The following TAFA5 variants were observed in gnomAD, a reference collection of about 807,000 sequenced individuals.
TAFA5 encodes the protein TAFA chemokine like family member 5.
A neutral mutation model predicts 15.3 loss-of-function variants in TAFA5; 6 were observed. The ratio of observed to expected loss-of-function variants is 0.39; its 90% CI spans 0.21 to 0.77. The LOEUF (loss-of-function observed/expected upper bound fraction) is 0.77, where lower values mean the gene tolerates loss of function less well. Ranked by LOEUF, TAFA5 falls within the 30% of genes least tolerant of loss-of-function variation. TAFA5 has a pLI of 0.41. For synonymous variants in TAFA5, 103 were observed against 80.7 expected, an observed-to-expected ratio of 1.28 and a Z score of -1.48; for missense variants, 161 against 193.1, an observed-to-expected ratio of 0.83 and a Z score of 0.98.
chr22:48,542,137 ATGTG>A (rs1343061011), intron 1 of TAFA5, among the ~76,000 whole-genome samples: 1 of 86,176 alleles, frequency 1.2e-5, no homozygotes, highest in East Asian at 3.9e-4. Context: ...TGTGATGTGT[ATGTG>A]TGTGTGTGGG....
chr22:48,703,220 C>CGTGT (rs150446097), intron 2 of TAFA5, among the ~76,000 whole-genome samples: 2,414 of 151,988 alleles, frequency 0.016, 48 homozygotes, highest in East Asian at 0.044. Context: ...GTGATGTGTA[C>CGTGT]GTGTGTGTGT....
At chr22:48,615,319 G>A (rs1294498965) in intron 1 of TAFA5, among the ~76,000 whole-genome samples, 5 of 152,186 alleles carry the variant, frequency 3.3e-5, no homozygotes, top group African/African-American at 7.2e-5. Flanking sequence ...CCGGCGGCTC[G>A]GTCCGACGAG....
chr22:48,546,442 C>A, intron 1 of TAFA5: 2 of 469,638 alleles, frequency 4.3e-6, no homozygotes, highest in South Asian at 3.1e-5. Flanking sequence ...ACTGCCCTAT[C>A]CTCTTGGAGC....
At chr22:48,656,051 C>A (rs1429792435) in intron 2 of TAFA5, among the ~76,000 whole-genome samples, 2 of 151,182 alleles carry the variant, frequency 1.3e-5, no homozygotes, top group African/African-American at 4.9e-5. Flanking sequence ...ATCATGTTGG[C>A]CAGGCTGGTG....
At chr22:48,599,113 C>G (rs76703344) in intron 1 of TAFA5, among the ~76,000 whole-genome samples, 27 of 152,200 alleles carry the variant, frequency 1.8e-4, no homozygotes, top group Non-Finnish European at 1.5e-5. Flanking sequence ...ACCTTCCCCC[C>G]ATCTTTTAGG....
At position 48,742,191 on chromosome 22, in the gene TAFA5, AC is replaced by A. The variant is rs911993196; in HGVS notation, c.391-7644del. Among the ~76,000 whole-genome samples, 2 of 98,314 alleles carry A rather than the reference AC, an allele frequency of 2.0e-5. No homozygotes were observed. Among genetic ancestry groups the A allele is most frequent in the African/African-American group, 8.2e-5 (2 of 24,366 alleles). The allele number at this position is 98,314 out of a possible 152,430, so 64.5% of individuals were successfully genotyped here. Reference sequence around the variant, plus strand: ...CCTTCACCAGGCACAGCCCTGCCCCACCCCACAGGCCCCTCATCCTTCACCA... The same window carrying A: ...CCTTCACCAGGCACAGCCCTGCCCCACCCACAGGCCCCTCATCCTTCACCA... On this transcript the variant is annotated intron_variant, in intron 3 of 3. Transcript: ENST00000402357. This position sits in a 1 kb window ranked among gnomAD's most constrained non-coding sequence, Gnocchi z 6.2.
At chr22:48,610,238 T>C (rs1925349234) in intron 1 of TAFA5, among the ~76,000 whole-genome samples, 1 of 151,992 alleles carries the variant, frequency 6.6e-6, no homozygotes, top group South Asian at 2.1e-4. Flanking sequence ...CTGAGGGTAC[T>C]GGAGGACAGG....
intron 1 of TAFA5, among the ~76,000 whole-genome samples, chr22:48,537,461 A>G (rs138537198): frequency 0.013 from 1,926 of 152,322 alleles, 18 homozygotes; most frequent in Non-Finnish European, 0.023. Context: ...ATGTGGGCAG[A>G]GGATGGGGCT....
chr22:48,644,914 G>A (rs1055256716), intron 1 of TAFA5, among the ~76,000 whole-genome samples: 3 of 152,196 alleles, frequency 2.0e-5, no homozygotes, highest in Admixed American at 6.5e-5. Context: ...CAGGCAGCCC[G>A]CAGACTCTCT....
chr22:48,729,300 T>TTATAAATATATAATAATTTTA (rs1929797166), intron 3 of TAFA5, among the ~76,000 whole-genome samples: 4 of 131,024 alleles, frequency 3.1e-5, no homozygotes, highest in Non-Finnish European at 6.9e-5. Context: ...AATTTTATAT[T>TTATAAATATATAATAATTTTA]TATTTATAAA....
intron 1 of TAFA5, among the ~76,000 whole-genome samples, chr22:48,634,484 C>G (rs930977506): frequency 2.8e-5 from 2 of 72,532 alleles, no homozygotes. Context: ...CACTCAATCA[C>G]TCCTTGACTC....
At chr22:48,680,854 G>A (rs566965219) in intron 2 of TAFA5, among the ~76,000 whole-genome samples, 14 of 152,320 alleles carry the variant, frequency 9.2e-5, no homozygotes, top group African/African-American at 2.9e-4. Flanking sequence ...GTGCTGGGCC[G>A]GGCACACCAA....
chr22:48,576,596 C>T lies in TAFA5; in HGVS notation c.113-70001C>T, dbSNP rs1601589661. On this transcript the variant is annotated intron_variant, in intron 1 of 3. Transcript: ENST00000402357. ...GGTAATTGTCCCCGGGCGCGCGGAC[C>T]GGTCCTCCGCGCTCTGCCCGGCTCG... The T allele has an allele frequency of 5.6e-6, 8 of 1,420,508 alleles. No individual in the cohort carries two copies. In the Admixed American group the frequency reaches 1.2e-4, roughly 21 times the overall value. The allele number at this position is 1,420,508 out of a possible 1,614,324, so 88.0% of individuals were successfully genotyped here.
rs73435896 is a variant in TAFA5, at chr22:48,696,957, A to G, written c.263-10760A>G. 7.6e-3 allele frequency among the ~76,000 whole-genome samples: 1,157 copies of G among 152,292 alleles called. 27 individuals are homozygous for G. Among genetic ancestry groups the G allele is most frequent in the Admixed American group, 0.047 (719 of 15,310 alleles). On this transcript the variant is annotated intron_variant, in intron 2 of 3. Coordinates refer to ENST00000402357, the MANE Select transcript of TAFA5 (RefSeq NM_001082967.3). The stretch of plus-strand genomic sequence containing the variant: ...TCCAAGACTCCTTATTGGAGCCCCA[A>G]TGGTAGCATGCTAGCTCCCCTGCTG...
At chr22:48,514,466 C>G (rs373403883) in intron 1 of TAFA5, among the ~76,000 whole-genome samples, 159 of 152,350 alleles carry the variant, frequency 1.0e-3, no homozygotes, top group African/African-American at 3.6e-3. Context: ...CTCTCTCTGT[C>G]TGACAGCCAA....
chr22:48,590,883 A>T, intron 1 of TAFA5, among the ~76,000 whole-genome samples: 1 of 146,434 alleles, frequency 6.8e-6, no homozygotes, highest in Non-Finnish European at 1.5e-5. Flanking sequence ...ATGGAGTTTC[A>T]CTCTGTCATC....
chr22:48,519,884 G>C (rs1921544051), intron 1 of TAFA5, among the ~76,000 whole-genome samples: 1 of 152,228 alleles, frequency 6.6e-6, no homozygotes, highest in Admixed American at 6.5e-5. Context: ...GTGCAGAGTG[G>C]GAAAGTGTCC....
intron 2 of TAFA5, among the ~76,000 whole-genome samples, chr22:48,661,520 A>C (rs1272177507): frequency 3.9e-5 from 6 of 152,306 alleles, no homozygotes; most frequent in Admixed American, 3.3e-4. Flanking sequence ...TCCAGTCAGT[A>C]GTCAGACATT....
At chr22:48,745,725 C>A (rs974116373) in intron 3 of TAFA5, among the ~76,000 whole-genome samples, 2 of 152,212 alleles carry the variant, frequency 1.3e-5, no homozygotes, top group Non-Finnish European at 2.9e-5. Flanking sequence ...CCACTGTGGT[C>A]CACGTGGGTA....
Sources: allele counts gnomAD v4.1 joint callset (sites outside exome capture counted in the v4.1 genomes callset), GRCh38; gene constraint gnomAD v4.1.1; non-coding constraint Gnocchi (gnomAD v3.1); transcripts MANE v1.5; gene names NCBI Gene and HGNC (gene_info 2026-07-23, HGNC 2026-07-21).